Variants in SAMTOR observed in about 807,000 individuals in gnomAD.
The protein encoded by SAMTOR is UPF0532 protein C7orf60.
the SAMTOR span, among the ~76,000 whole-genome samples, chr7:112,889,544 G>A: frequency 6.6e-6 from 1 of 152,114 alleles, no homozygotes. Flanking sequence ...ATATTAAGGA[G>A]TTCAGAGTTT....
chr7:112,890,668 TACA>T, the SAMTOR span, among the ~76,000 whole-genome samples: 1 of 150,674 alleles, frequency 6.6e-6, no homozygotes, highest in Admixed American at 6.6e-5. Flanking sequence ...TAAAAAAGTA[TACA>T]TATATACATA....
chr7:112,826,503 T>A, the SAMTOR span, among the ~76,000 whole-genome samples: 1 of 152,174 alleles, frequency 6.6e-6, no homozygotes, highest in African/African-American at 2.4e-5. Flanking sequence ...TCTGTCATGA[T>A]GTTACCTTTT....
the SAMTOR span, among the ~76,000 whole-genome samples, chr7:112,914,484 A>G: frequency 6.6e-6 from 1 of 152,128 alleles, no homozygotes; most frequent in African/African-American, 2.4e-5. Flanking sequence ...GAGAACTAGT[A>G]TAAGCATTAT....
the SAMTOR span, among the ~76,000 whole-genome samples, chr7:112,868,403 T>G: frequency 2.0e-5 from 3 of 152,218 alleles, no homozygotes; most frequent in Non-Finnish European, 4.4e-5. Context: ...TGAAGGTGTT[T>G]GGCTGGTTAC....
the SAMTOR span, among the ~76,000 whole-genome samples, chr7:112,926,473 A>C: frequency 2.6e-5 from 4 of 152,186 alleles, no homozygotes; most frequent in African/African-American, 9.6e-5. Flanking sequence ...ACCTCACTGA[A>C]GTCCTAAGGA....
chr7:112,939,820 T>C, the SAMTOR span: 1 of 1,270,362 alleles, frequency 7.9e-7, no homozygotes, highest in South Asian at 1.3e-5. Flanking sequence ...GGAGGTGGGG[T>C]AGGAGGAGGG....
At chr7:112,919,772 C>G in the SAMTOR span, among the ~76,000 whole-genome samples, 174 of 151,980 alleles carry the variant, frequency 1.1e-3, 1 homozygote, top group African/African-American at 4.1e-3. Context: ...GGGATATCAC[C>G]ACCGATCCCA....
the SAMTOR span, among the ~76,000 whole-genome samples, chr7:112,928,421 G>A: frequency 0.012 from 1,802 of 151,710 alleles, 8 homozygotes; most frequent in Middle Eastern, 0.02. Flanking sequence ...CCATCCTTAC[G>A]GTACTTTGTC....
the SAMTOR span, chr7:112,895,809 C>T: frequency 4.5e-6 from 5 of 1,118,390 alleles, no homozygotes; most frequent in Non-Finnish European, 4.8e-6. Flanking sequence ...AAAAAATTGG[C>T]TTTTATTAAT....
the SAMTOR span, among the ~76,000 whole-genome samples, chr7:112,882,806 C>T: frequency 7.3e-5 from 11 of 149,924 alleles, no homozygotes; most frequent in South Asian, 2.1e-4. Flanking sequence ...ATTTAACTTC[C>T]TCCTTTACTA....
the SAMTOR span, among the ~76,000 whole-genome samples, chr7:112,909,845 G>C: frequency 6.6e-6 from 1 of 150,744 alleles, no homozygotes; most frequent in Non-Finnish European, 1.5e-5. Flanking sequence ...TTAGGAATTT[G>C]ATTGAATATT....
the SAMTOR span, among the ~76,000 whole-genome samples, chr7:112,914,941 C>T: frequency 1.3e-5 from 2 of 152,096 alleles, no homozygotes; most frequent in Non-Finnish European, 2.9e-5. Flanking sequence ...CACAGCATCA[C>T]TTAGATTTAA....
At chr7:112,829,244 T>C in the SAMTOR span, among the ~76,000 whole-genome samples, 4 of 152,210 alleles carry the variant, frequency 2.6e-5, no homozygotes, top group African/African-American at 7.2e-5. Flanking sequence ...CTAATATGCA[T>C]TAATCCTATC....
chr7:112,871,469 C>A, the SAMTOR span, among the ~76,000 whole-genome samples: 3 of 151,996 alleles, frequency 2.0e-5, no homozygotes, highest in Non-Finnish European at 4.4e-5. Flanking sequence ...CTATTTGAAA[C>A]AAATGAAAAT....
the SAMTOR span, among the ~76,000 whole-genome samples, chr7:112,853,411 C>T: frequency 3.3e-5 from 5 of 151,982 alleles, no homozygotes; most frequent in African/African-American, 7.2e-5. Flanking sequence ...GATCGTATTT[C>T]TTTACTCTCG....
chr7:112,912,327 T>A, the SAMTOR span, among the ~76,000 whole-genome samples: 1 of 152,084 alleles, frequency 6.6e-6, no homozygotes, highest in Admixed American at 6.5e-5. Flanking sequence ...AAGGTATAGC[T>A]ATACCTGTAT....
the SAMTOR span, among the ~76,000 whole-genome samples, chr7:112,899,283 T>G: frequency 1.4e-4 from 21 of 152,048 alleles, 1 homozygote; most frequent in Non-Finnish European, 1.8e-4. Flanking sequence ...AGCTGAAATA[T>G]TCAATTAATG....
At chr7:112,888,602 A>C in the SAMTOR span, among the ~76,000 whole-genome samples, 1 of 152,124 alleles carries the variant, frequency 6.6e-6, no homozygotes, top group Non-Finnish European at 1.5e-5. Flanking sequence ...TCCAGTAGTA[A>C]CAAAAATTGG....
At chr7:112,887,627 T>C in the SAMTOR span, among the ~76,000 whole-genome samples, 1 of 152,348 alleles carries the variant, frequency 6.6e-6, no homozygotes, top group South Asian at 2.1e-4. Flanking sequence ...CTGTAATAGA[T>C]ATAGGCTTTC....
Sources: gnomAD v4.1 joint callset for allele counts (sites outside exome capture counted in the v4.1 genomes callset) on GRCh38, gnomAD v4.1.1 for gene constraint, MANE v1.5 for transcripts, NCBI Gene and HGNC (gene_info 2026-07-23, HGNC 2026-07-21) for gene names.